Variants in ROBO2 observed in about 807,000 individuals in gnomAD.
ROBO2 encodes roundabout guidance receptor 2.
A neutral mutation model predicts 160.8 loss-of-function variants in ROBO2; 53 were observed. The observed-to-expected ratio is 0.33, with a 90% CI of 0.26 to 0.41. ROBO2 has a LOEUF of 0.41. ROBO2 is among the 10% of genes least tolerant of loss of function. The probability of loss-of-function intolerance (pLI) is 1.00; values close to 1 mark genes in which losing one functional copy is unlikely to be tolerated. For missense variants in ROBO2, 1,577 were observed against 1,722.4 expected (o/e 0.92, Z 1.49); for synonymous variants, 664 against 611.7 (o/e 1.09, Z -1.26).
At chr3:76,521,363 C>G (rs1352299244) in intron 2 of ROBO2, among the ~76,000 whole-genome samples, 2 of 152,026 alleles carry the variant, frequency 1.3e-5, no homozygotes, top group Non-Finnish European at 2.9e-5. Flanking sequence ...AACAATTGCT[C>G]TCTGCATGGT....
intron 2 of ROBO2, among the ~76,000 whole-genome samples, chr3:76,681,730 A>G (rs764798770): frequency 6.6e-6 from 1 of 151,926 alleles, no homozygotes; most frequent in African/African-American, 2.4e-5. Flanking sequence ...CTGGAAAGGC[A>G]TGAGCTTGCG....
chr3:77,642,676 C>T (rs1378556711), intron 24 of ROBO2: 1 of 455,186 alleles, frequency 2.2e-6, no homozygotes. Context: ...TTTAGATCTT[C>T]CACCACCACC....
rs34852080 is a variant in ROBO2 at position 76,625,525 on chromosome 3, GA to G, written c.110-472479del. On this transcript the variant is annotated intron_variant, in intron 2 of 26. Transcript: ENST00000487694. ...AATTCGGTGGTATTACGTGCAGCAG[GA>G]AAAAAAAAATATCAAAAAGTTTGGA... Among the ~76,000 whole-genome samples the G allele has an allele frequency of 2.6e-3, 396 of 149,642 alleles. 2 individuals are homozygous for G. The highest frequency in any genetic ancestry group is 8.0e-3 in the African/African-American group (326 of 40,780).
chr3:76,172,642 A>C (rs2073086760), intron 2 of ROBO2, among the ~76,000 whole-genome samples: 1 of 152,054 alleles, frequency 6.6e-6, no homozygotes, highest in Non-Finnish European at 1.5e-5. Context: ...TAAGAAAAAA[A>C]GTAACAAAAT....
chr3:76,078,647 G>T (rs2068720411), intron 2 of ROBO2, among the ~76,000 whole-genome samples: 1 of 152,032 alleles, frequency 6.6e-6, no homozygotes, highest in Non-Finnish European at 1.5e-5. Flanking sequence ...TTATAGGTGT[G>T]AGCCACCATG....
At chr3:76,069,444 C>G (rs1361735169) in intron 2 of ROBO2, among the ~76,000 whole-genome samples, 1 of 151,972 alleles carries the variant, frequency 6.6e-6, no homozygotes, top group Non-Finnish European at 1.5e-5. Flanking sequence ...GTATAATCCA[C>G]CATCAGCTCT....
intron 2 of ROBO2, among the ~76,000 whole-genome samples, chr3:76,628,266 T>C (rs2875410): frequency 0.6 from 91,431 of 151,472 alleles, 27,785 homozygotes; most frequent in East Asian, 0.73. Flanking sequence ...CTTTTTTTTA[T>C]TGAGACAGGA....
chr3:76,858,032 T>C (rs79078095), intron 2 of ROBO2, among the ~76,000 whole-genome samples: 2,876 of 152,186 alleles, frequency 0.019, 86 homozygotes, highest in African/African-American at 0.066. Flanking sequence ...TCCACTTCTT[T>C]TGGAAAATTT....
intron 2 of ROBO2, among the ~76,000 whole-genome samples, chr3:77,400,089 G>A (rs1196583011): frequency 6.6e-6 from 1 of 152,140 alleles, no homozygotes; most frequent in Non-Finnish European, 1.5e-5. Flanking sequence ...AGTAATGAAA[G>A]CATTGACATT....
intron 2 of ROBO2, among the ~76,000 whole-genome samples, chr3:77,101,358 A>T (rs1301483548): frequency 6.6e-6 from 1 of 152,186 alleles, no homozygotes; most frequent in Non-Finnish European, 1.5e-5. Context: ...CATAGAGGTG[A>T]GGGGCAGGTA....
chr3:77,538,913 A>G, intron 6 of ROBO2: 1 of 472,858 alleles, frequency 2.1e-6, no homozygotes, highest in South Asian at 1.5e-5. Context: ...GAAACTTTTT[A>G]ATTTTTTTTC....
chr3:77,496,669 G>A (rs2086828017), intron 5 of ROBO2, among the ~76,000 whole-genome samples: 1 of 152,100 alleles, frequency 6.6e-6, no homozygotes, highest in Non-Finnish European at 1.5e-5. Context: ...GCTTTGTAGG[G>A]CAGCTGCATA....
chr3:76,248,274 A>G (rs148724266), intron 2 of ROBO2, among the ~76,000 whole-genome samples: 1,930 of 152,202 alleles, frequency 0.013, 40 homozygotes, highest in African/African-American at 0.044. Context: ...GGATTAAGAA[A>G]ATGTGGCACA....
rs372897271 is a variant in ROBO2 at position 76,710,180 on chromosome 3, G to A, written c.110-387834G>A. Reference sequence around the variant, plus strand: ...TGTCGCGCCAAGCTGGAGTGCAGTGGCACAATCTCAGCTCACTGCAACCTC... The same window carrying A: ...TGTCGCGCCAAGCTGGAGTGCAGTGACACAATCTCAGCTCACTGCAACCTC... On this transcript the variant is annotated intron_variant, in intron 2 of 26. Transcript: ENST00000487694. Among the ~76,000 whole-genome samples the A allele has an allele frequency of 7.2e-5, 11 of 152,044 alleles. No individual in the cohort carries two copies. In the South Asian group the frequency reaches 2.3e-3, roughly 32 times the overall value.
At chr3:77,560,485 T>G (rs1047062250) in intron 9 of ROBO2, among the ~76,000 whole-genome samples, 6 of 152,122 alleles carry the variant, frequency 3.9e-5, no homozygotes, top group African/African-American at 1.4e-4. Context: ...GTTCTTTTCC[T>G]GTAACATGAC....
At chr3:76,782,860 T>G (rs529278525) in intron 2 of ROBO2, among the ~76,000 whole-genome samples, 3 of 150,986 alleles carry the variant, frequency 2.0e-5, no homozygotes, top group African/African-American at 7.2e-5. Context: ...CATTTGCATT[T>G]GTAGTAATTA....
chr3:77,071,936 C>T (rs547377280), intron 1 of ROBO2, among the ~76,000 whole-genome samples: 1 of 152,126 alleles, frequency 6.6e-6, no homozygotes, highest in Non-Finnish European at 1.5e-5. Context: ...GAGTCTCCAA[C>T]CCCTGGGCCC....
At chr3:75,965,508 C>T (rs985307229) in intron 2 of ROBO2, among the ~76,000 whole-genome samples, 2 of 152,112 alleles carry the variant, frequency 1.3e-5, no homozygotes, top group African/African-American at 2.4e-5. Flanking sequence ...TGTAATTGTG[C>T]ATACCCATCT....
chr3:77,373,741 G>T (rs2072167140), intron 2 of ROBO2, among the ~76,000 whole-genome samples: 2 of 151,866 alleles, frequency 1.3e-5, no homozygotes, highest in Admixed American at 6.6e-5. Context: ...AAATTCACAG[G>T]ATGGGTTTAT....
Sources: gnomAD v4.1 joint callset for allele counts (sites outside exome capture counted in the v4.1 genomes callset) on GRCh38, gnomAD v4.1.1 for gene constraint, MANE v1.5 for transcripts, NCBI Gene and HGNC (gene_info 2026-07-23, HGNC 2026-07-21) for gene names.